Variants in SLX4IP observed in about 807,000 individuals in gnomAD.
SLX4IP encodes SLX4 interacting protein, also known as protein SLX4IP.
A neutral mutation model predicts 32.9 loss-of-function variants in SLX4IP; 34 were observed. That is an observed-to-expected ratio of 1.03 (90% CI 0.79 to 1.38). SLX4IP has a LOEUF of 1.38. SLX4IP is among the 40% of genes most tolerant of loss of function. The pLI is 0.00. For synonymous variants in SLX4IP, 172 were observed against 171.7 expected (o/e 1.00, Z -0.01); for missense variants, 444 against 479.0 (o/e 0.93, Z 0.68).
intron 5 of SLX4IP, among the ~76,000 whole-genome samples, chr20:10,600,279 C>A (rs1401521568): frequency 1.3e-5 from 2 of 152,126 alleles, no homozygotes; most frequent in African/African-American, 2.4e-5. Flanking sequence ...CCCAGGCCCC[C>A]ACCTGAAATG....
At chr20:10,520,830 A>T (rs1256960276) in intron 2 of SLX4IP, among the ~76,000 whole-genome samples, 1 of 152,188 alleles carries the variant, frequency 6.6e-6, no homozygotes, top group Non-Finnish European at 1.5e-5. Context: ...CACATTATAG[A>T]CTTTGAAACA....
intron 4 of SLX4IP, among the ~76,000 whole-genome samples, chr20:10,589,536 T>A (rs1320802981): frequency 6.6e-6 from 1 of 152,112 alleles, no homozygotes; most frequent in Non-Finnish European, 1.5e-5. Context: ...GATGATAAGC[T>A]AGTGGAATAA....
chr20:10,518,404 T>TTCCTTCC lies in SLX4IP; in HGVS notation c.28-37826_28-37825insCCTTCCT, dbSNP rs1568719908. Among the ~76,000 whole-genome samples the TTCCTTCC allele has an allele frequency of 7.8e-4, 72 of 92,482 alleles. 1 individual carries two copies. Among genetic ancestry groups the TTCCTTCC allele is most frequent in the African/African-American group, 3.1e-3 (68 of 21,916 alleles). The allele number at this position is 92,482 out of a possible 152,430, so 60.7% of individuals were successfully genotyped here. On this transcript the variant is annotated intron_variant, in intron 2 of 7. Coordinates refer to ENST00000334534, the MANE Select transcript of SLX4IP (RefSeq NM_001009608.3). ...CTTTCCTTCTTCCTTTCTTTCTTTC[T>TTCCTTCC]TTCCTTCCTTCCTTCCTTCCCTCCC...
chr20:10,466,447 TC>T (rs1005317811), intron 2 of SLX4IP, among the ~76,000 whole-genome samples: 5 of 152,008 alleles, frequency 3.3e-5, no homozygotes, highest in African/African-American at 1.2e-4. Flanking sequence ...CTGCTTCCCT[TC>T]CCCCCCAACC....
At chr20:10,448,239 CCTT>C (rs1267296924) in intron 1 of SLX4IP, among the ~76,000 whole-genome samples, 1 of 152,070 alleles carries the variant, frequency 6.6e-6, no homozygotes, top group Non-Finnish European at 1.5e-5. Flanking sequence ...GGGATGATTT[CCTT>C]CTTACTCTTT....
intron 2 of SLX4IP, among the ~76,000 whole-genome samples, chr20:10,504,624 C>T (rs141887096): frequency 6.6e-6 from 1 of 152,134 alleles, no homozygotes; most frequent in African/African-American, 2.4e-5. Flanking sequence ...TCTCTCCTTG[C>T]AGCACAGAAG....
intron 2 of SLX4IP, among the ~76,000 whole-genome samples, chr20:10,518,483 CTT>C (rs1568720281): frequency 1.0e-3 from 58 of 56,768 alleles, no homozygotes; most frequent in Non-Finnish European, 2.0e-3. Context: ...TTTTCCTTTC[CTT>C]TCCTTTTCCT....
chr20:10,520,267 G>A (rs1260061921), intron 2 of SLX4IP, among the ~76,000 whole-genome samples: 1 of 151,956 alleles, frequency 6.6e-6, no homozygotes, highest in Non-Finnish European at 1.5e-5. Context: ...AGCCAGGATG[G>A]TCTTGATCTC....
chr20:10,499,332 C>T (rs536427365), intron 2 of SLX4IP, among the ~76,000 whole-genome samples: 1 of 152,156 alleles, frequency 6.6e-6, no homozygotes, highest in Non-Finnish European at 1.5e-5. Context: ...AACATGCACG[C>T]ACACATGCAT....
chr20:10,582,705 C>A (rs1339303852), intron 4 of SLX4IP, among the ~76,000 whole-genome samples: 1 of 152,170 alleles, frequency 6.6e-6, no homozygotes, highest in Non-Finnish European at 1.5e-5. Context: ...GCTTTACAAT[C>A]ACCTATTAGA....
chr20:10,577,674 T>TCATA (rs1172842889), intron 4 of SLX4IP, among the ~76,000 whole-genome samples: 2 of 152,222 alleles, frequency 1.3e-5, no homozygotes, highest in Non-Finnish European at 2.9e-5. Context: ...TGATCTATGA[T>TCATA]CATACCACTG....
chr20:10,557,147 A>C (rs2066275272), intron 3 of SLX4IP, among the ~76,000 whole-genome samples: 1 of 152,226 alleles, frequency 6.6e-6, no homozygotes, highest in Admixed American at 6.5e-5. Flanking sequence ...AGAAATAAAA[A>C]TCAGATTTGT....
chr20:10,468,296 T>C (rs6108594), intron 2 of SLX4IP, among the ~76,000 whole-genome samples: 3,873 of 152,276 alleles, frequency 0.025, 175 homozygotes, highest in African/African-American at 0.089. Flanking sequence ...TCCATGTTAA[T>C]CTCTGAGGAC....
intron 2 of SLX4IP, among the ~76,000 whole-genome samples, chr20:10,512,640 A>G (rs886396333): frequency 1.4e-4 from 20 of 144,182 alleles, no homozygotes; most frequent in Non-Finnish European, 2.0e-4. Context: ...TATATATAGT[A>G]TATATAGTAT....
chr20:10,622,388 T>C (rs959072620), intron 7 of SLX4IP, among the ~76,000 whole-genome samples: 2 of 152,230 alleles, frequency 1.3e-5, no homozygotes, highest in African/African-American at 4.8e-5. Context: ...TTTACCTTAG[T>C]TAAAATGTGA....
At chr20:10,445,121 T>C (rs1220404715) in intron 1 of SLX4IP, among the ~76,000 whole-genome samples, 1 of 152,016 alleles carries the variant, frequency 6.6e-6, no homozygotes, top group African/African-American at 2.4e-5. Flanking sequence ...TCCCAGAGGA[T>C]ATACAAGTCT....
At chr20:10,438,938 T>G (rs2065138604) in intron 1 of SLX4IP, among the ~76,000 whole-genome samples, 1 of 151,668 alleles carries the variant, frequency 6.6e-6, no homozygotes, top group South Asian at 2.1e-4. Flanking sequence ...GAATTCCTGG[T>G]CTCAAGCAAT....
At chr20:10,610,531 T>C (rs1174069956) in intron 6 of SLX4IP, among the ~76,000 whole-genome samples, 1 of 152,224 alleles carries the variant, frequency 6.6e-6, no homozygotes, top group Non-Finnish European at 1.5e-5. Flanking sequence ...GGCTTGGCCA[T>C]CCAGAGCATC....
chr20:10,457,567 C>A (rs533156754), intron 1 of SLX4IP, among the ~76,000 whole-genome samples: 1 of 151,380 alleles, frequency 6.6e-6, no homozygotes, highest in Non-Finnish European at 1.5e-5. Context: ...CCAACTTGAT[C>A]GTGGTGTATA....
Sources: allele counts gnomAD v4.1 joint callset (sites outside exome capture counted in the v4.1 genomes callset), GRCh38; gene constraint gnomAD v4.1.1; transcripts MANE v1.5; gene names NCBI Gene and HGNC (gene_info 2026-07-23, HGNC 2026-07-21).